The following GARIN2 variants were observed in gnomAD, a reference collection of about 807,000 sequenced individuals.
The protein encoded by GARIN2 is Golgi-associated RAB2 interactor protein 2.
At chr14:67,208,069 C>T in the GARIN2 span, 50 of 1,334,628 alleles carry the variant, frequency 3.7e-5, no homozygotes, top group Non-Finnish European at 4.9e-5. Context: ...AAGCCTCACT[C>T]CCTCCTTACT....
the GARIN2 span, among the ~76,000 whole-genome samples, chr14:67,218,501 G>T: frequency 6.6e-6 from 1 of 152,138 alleles, no homozygotes; most frequent in East Asian, 1.9e-4. Flanking sequence ...GGGCTGCTTG[G>T]CAGCCTGGGG....
At chr14:67,219,469 T>C in the GARIN2 span, among the ~76,000 whole-genome samples, 1 of 152,196 alleles carries the variant, frequency 6.6e-6, no homozygotes, top group African/African-American at 2.4e-5. Flanking sequence ...TTTGGTCCTT[T>C]CTTGTGGGAG....
the GARIN2 span, chr14:67,228,324 C>T: frequency 2.2e-6 from 1 of 452,330 alleles, no homozygotes; most frequent in Non-Finnish European, 2.9e-6. Context: ...TTTATTTTAC[C>T]TGTATTTAGT....
chr14:67,193,369 C>T, the GARIN2 span, among the ~76,000 whole-genome samples: 3 of 136,312 alleles, frequency 2.2e-5, no homozygotes, highest in South Asian at 4.7e-4. Context: ...TATAATCTAT[C>T]TATATATCTA....
the GARIN2 span, among the ~76,000 whole-genome samples, chr14:67,204,133 C>T: frequency 5.1e-3 from 776 of 152,184 alleles, 6 homozygotes; most frequent in African/African-American, 0.018. Flanking sequence ...ACTCTTCAAA[C>T]TACTATAAAA....
At chr14:67,189,997 C>T in the GARIN2 span, among the ~76,000 whole-genome samples, 17 of 149,592 alleles carry the variant, frequency 1.1e-4, no homozygotes, top group Non-Finnish European at 1.9e-4. Flanking sequence ...TGTGCCATCA[C>T]GCCCAGCTAA....
the GARIN2 span, chr14:67,199,011 G>A: frequency 1.4e-6 from 1 of 709,202 alleles, no homozygotes; most frequent in South Asian, 1.5e-5. Flanking sequence ...GACAAGGGAG[G>A]ACAACAGACA....
chr14:67,191,234 A>C, the GARIN2 span, among the ~76,000 whole-genome samples: 1 of 145,892 alleles, frequency 6.9e-6, no homozygotes, highest in African/African-American at 2.5e-5. Flanking sequence ...ACTCCGTCTC[A>C]AAAAAAAACA....
At chr14:67,217,281 T>G in the GARIN2 span, among the ~76,000 whole-genome samples, 1 of 152,126 alleles carries the variant, frequency 6.6e-6, no homozygotes. Flanking sequence ...TTCTTCACTT[T>G]CAGTCTATAT....
chr14:67,206,496 A>T, the GARIN2 span, among the ~76,000 whole-genome samples: 1 of 152,172 alleles, frequency 6.6e-6, no homozygotes, highest in Non-Finnish European at 1.5e-5. Context: ...ACCCTGTCTC[A>T]AAAAACAAAC....
At chr14:67,219,725 T>G in the GARIN2 span, among the ~76,000 whole-genome samples, 1 of 152,176 alleles carries the variant, frequency 6.6e-6, no homozygotes, top group African/African-American at 2.4e-5. Context: ...ATAAAAGATC[T>G]TGAGAATTAA....
chr14:67,204,466 T>G, the GARIN2 span: 1 of 1,458,906 alleles, frequency 6.9e-7, no homozygotes, highest in Non-Finnish European at 9.0e-7. Flanking sequence ...AATATATATA[T>G]ATATAAGAAA....
chr14:67,226,358 GT>G, the GARIN2 span, among the ~76,000 whole-genome samples: 1 of 145,172 alleles, frequency 6.9e-6, no homozygotes, highest in African/African-American at 2.6e-5. Flanking sequence ...CAACCAGCTA[GT>G]TTTTTTTGTT....
the GARIN2 span, chr14:67,208,321 A>G: frequency 1.2e-6 from 2 of 1,614,012 alleles, no homozygotes; most frequent in South Asian, 2.2e-5. Flanking sequence ...TTGAAGGTAA[A>G]AGATATTTTC....
chr14:67,223,324 A>G, the GARIN2 span, among the ~76,000 whole-genome samples: 1 of 152,240 alleles, frequency 6.6e-6, no homozygotes, highest in Non-Finnish European at 1.5e-5. Context: ...GTGTCTAAAA[A>G]TATGAGATGA....
the GARIN2 span, among the ~76,000 whole-genome samples, chr14:67,193,475 C>A: frequency 1.4e-5 from 2 of 137,992 alleles, no homozygotes; most frequent in African/African-American, 5.3e-5. Context: ...ATCTAGATAT[C>A]TAGATACAGA....
At chr14:67,203,141 G>C in the GARIN2 span, 1 of 1,613,794 alleles carries the variant, frequency 6.2e-7, no homozygotes, top group African/African-American at 1.3e-5. Flanking sequence ...GAGCCAACTG[G>C]GTGACCGTAG....
the GARIN2 span, among the ~76,000 whole-genome samples, chr14:67,220,799 T>C: frequency 6.6e-6 from 1 of 152,244 alleles, no homozygotes; most frequent in Non-Finnish European, 1.5e-5. Flanking sequence ...ATAAAGACTA[T>C]ATGAATATTT....
chr14:67,193,313 T>G, the GARIN2 span, among the ~76,000 whole-genome samples: 28 of 130,548 alleles, frequency 2.1e-4, no homozygotes. Context: ...TATCTCTATA[T>G]AGATATCTAT....
Sources: gnomAD v4.1 joint callset for allele counts (sites outside exome capture counted in the v4.1 genomes callset) on GRCh38, gnomAD v4.1.1 for gene constraint, MANE v1.5 for transcripts, NCBI Gene and HGNC (gene_info 2026-07-23, HGNC 2026-07-21) for gene names.